Variants in TRIP12 observed in about 807,000 individuals in gnomAD.
The protein encoded by TRIP12 is thyroid hormone receptor interactor 12, also known as E3 ubiquitin-protein ligase TRIP12.
TRIP12 carries 25 observed loss-of-function variants against 244.2 expected under a neutral mutation model. The ratio of observed to expected loss-of-function variants is 0.10; its 90% CI spans 0.07 to 0.14. The LOEUF (loss-of-function observed/expected upper bound fraction) is 0.14. Among genes scored for constraint, TRIP12 ranks in the 10% least tolerant of loss-of-function variants. The pLI is 1.00. For missense variants in TRIP12, 1,677 were observed against 2,486.4 expected (o/e 0.67, Z 6.92); for synonymous variants, 905 against 873.1 (o/e 1.04, Z -0.64).
intron 6 of TRIP12, among the ~76,000 whole-genome samples, chr2:229,831,612 C>A (rs1407369152): frequency 6.6e-6 from 1 of 152,146 alleles, no homozygotes; most frequent in Non-Finnish European, 1.5e-5. Context: ...GCCTGAGCGG[C>A]AGGGCCAGAC....
rs923295328 is a variant in TRIP12, at chr2:229,809,803, A to G, written c.2221+1077T>C. On this transcript the variant is annotated intron_variant, in intron 15 of 41. Transcript: ENST00000675903. ...GTAGCCACCTCAACATTATTTTTCT[A>G]CAAAGTTCTGTGCCAATGTGTTAAT... 2.0e-5 allele frequency among the ~76,000 whole-genome samples: 3 copies of G among 152,228 alleles called. No individual in the cohort carries two copies. In the South Asian group the frequency reaches 6.2e-4, roughly 32 times the overall value.
At chr2:229,791,365 C>T in intron 29 of TRIP12, 114 bp from the exon 30 acceptor site, 2 of 1,187,618 alleles carry the variant, frequency 1.7e-6, no homozygotes, top group Non-Finnish European at 2.4e-6. Context: ...ATCTATTCTC[C>T]TCTCTCTCCC....
chr2:229,904,648 G>A (rs2072159218), intron 1 of TRIP12, among the ~76,000 whole-genome samples: 1 of 151,938 alleles, frequency 6.6e-6, no homozygotes, highest in Admixed American at 6.6e-5. Context: ...GGCAAAATTG[G>A]GGGTGATTCT....
intron 4 of TRIP12, among the ~76,000 whole-genome samples, chr2:229,853,560 G>C (rs1011198921): frequency 1.3e-5 from 2 of 152,154 alleles, no homozygotes; most frequent in Non-Finnish European, 2.9e-5. Context: ...GGGAGGCTGA[G>C]ACACGAGAAT....
chr2:229,851,315 C>G (rs778796463), intron 4 of TRIP12, among the ~76,000 whole-genome samples: 2 of 152,070 alleles, frequency 1.3e-5, no homozygotes, highest in Non-Finnish European at 2.9e-5. Flanking sequence ...ATGCACCAAT[C>G]GACACTCTCT....
At chr2:229,916,756 T>C (rs1365253368) in intron 1 of TRIP12, among the ~76,000 whole-genome samples, 1 of 151,992 alleles carries the variant, frequency 6.6e-6, no homozygotes, top group Non-Finnish European at 1.5e-5. Context: ...TATTTCAGTC[T>C]AGGAAACCTC....
rs1166506054 is a variant in TRIP12 at position 229,778,501 on chromosome 2, C to T, written c.5296G>A (p.Ala1766Thr). ...FGRTAKPAHIAKVKMKFRFLG... is the reference protein window; with the variant it reads ...FGRTAKPAHITKVKMKFRFLG... ...AAGCGAAACTTCATCTTAACCTTTG[C>T]GATATGAGCTGGCTTTGCTGTCCTA... Residue 1766 changes from alanine (A) to threonine (T), a missense_variant, in exon 36 of 42, where the codon GCA becomes ACA. By Grantham distance (58) the Ala-to-Thr change is moderately conservative. Coordinates refer to ENST00000675903, the MANE Select transcript of TRIP12 (RefSeq NM_001348323.3). The surrounding 1 kb of genome is among the most constrained non-coding windows in gnomAD (Gnocchi z 4.1). The T allele has an allele frequency of 5.0e-6, 8 of 1,613,872 alleles. No homozygotes were observed. The highest frequency in any genetic ancestry group is 4.5e-5 in the East Asian group (2 of 44,884).
At chr2:229,922,257 T>TCCCTCCGCCGGGGTCACC (rs1363493535), upstream of TRIP12, 4 of 499,808 alleles carry the variant, frequency 8.0e-6, no homozygotes, top group African/African-American at 3.9e-5. Flanking sequence ...CTACTTGGTA[T>TCCCTCCGCCGGGGTCACC]CCCTCCGCCG....
At chr2:229,901,330 G>A (rs1431825046) in intron 1 of TRIP12, among the ~76,000 whole-genome samples, 1 of 151,832 alleles carries the variant, frequency 6.6e-6, no homozygotes, top group East Asian at 1.9e-4. Flanking sequence ...AGGCGCAGTG[G>A]CTCACTTTGG....
Position 229,835,075 on chromosome 2 carries a change from A to G in TRIP12, c.1270+1773T>C, listed in dbSNP as rs184247628. 7.3e-3 allele frequency among the ~76,000 whole-genome samples: 1,109 copies of G among 152,350 alleles called. 51 individuals are homozygous for G. Among genetic ancestry groups the G allele is most frequent in the Admixed American group, 0.065 (993 of 15,294 alleles). On this transcript the variant is annotated intron_variant, in intron 6 of 41. Transcript: ENST00000675903. ...CATGCAGAAACTAAAGCACATTATCATGAAGAACTTAACGTAAAGCTGCTA... is the reference window on the plus strand; with the variant it reads ...CATGCAGAAACTAAAGCACATTATCGTGAAGAACTTAACGTAAAGCTGCTA...
In TRIP12 at chr2:229,829,412, G is replaced by C. The variant is rs148957787; in HGVS notation, c.1355-124C>G. The C allele has an allele frequency of 6.1e-4, 433 of 704,448 alleles. 2 individuals carry two copies. In the African/African-American group the frequency reaches 6.8e-3, roughly 11 times the overall value. 43.6% of individuals were successfully genotyped at this position (704,448 alleles called of 1,614,324 possible). A position where few individuals can be genotyped will look rare whatever the true frequency, so the allele number is the denominator to read the frequency against. ...TCAGTCAATGTTACTTTGCTTTCTG[G>C]ACTTTTAAGAGAAGCTACAAACTTT... is the stretch of plus-strand genomic sequence containing the variant. On this transcript the variant is annotated intron_variant, in intron 7 of 41. Coordinates refer to ENST00000675903, the MANE Select transcript of TRIP12 (RefSeq NM_001348323.3).
At chr2:229,802,901 C>A (rs1457475464) in intron 20 of TRIP12, among the ~76,000 whole-genome samples, 5 of 151,760 alleles carry the variant, frequency 3.3e-5, no homozygotes, top group African/African-American at 9.7e-5. Flanking sequence ...AAAAAAAAAA[C>A]CAGCTATTGA....
chr2:229,772,899 A>T (rs1194460454), intron 38 of TRIP12, among the ~76,000 whole-genome samples: 2 of 152,170 alleles, frequency 1.3e-5, no homozygotes, highest in Non-Finnish European at 2.9e-5. Flanking sequence ...GTAGATAGCC[A>T]TTCTGACCTA....
At chr2:229,821,655 T>C (rs1399217253) in intron 8 of TRIP12, among the ~76,000 whole-genome samples, 4 of 152,096 alleles carry the variant, frequency 2.6e-5, no homozygotes, top group Non-Finnish European at 4.4e-5. Flanking sequence ...ACGTAAAATA[T>C]AAAACCCATT....
intron 21 of TRIP12, 152 bp downstream of exon 21, chr2:229,802,100 T>A (rs563029306): frequency 3.9e-6 from 2 of 518,400 alleles, no homozygotes; most frequent in African/African-American, 3.9e-5. Context: ...TTCCAATAAA[T>A]GTTTTCTTCC....
chr2:229,901,220 CA>C (rs1362370727), intron 1 of TRIP12, among the ~76,000 whole-genome samples: 1 of 151,632 alleles, frequency 6.6e-6, no homozygotes, highest in Non-Finnish European at 1.5e-5. Context: ...AGTCATGAGC[CA>C]CCACACCCGG....
rs1194893695 is a variant in TRIP12, at chr2:229,879,094, C to T, written c.98+888G>A. 2.0e-5 allele frequency among the ~76,000 whole-genome samples: 3 copies of T among 151,822 alleles called. No individual in the cohort carries two copies. In the East Asian group the frequency reaches 5.9e-4, roughly 30 times the overall value. ...GTGGCAAAATCTTGTCTCTGTGTCT[C>T]AAAAAACATTAGCTGGGTGCGGTGG... On this transcript the variant is annotated intron_variant, in intron 2 of 41. Transcript: ENST00000675903.
At chr2:229,768,119 T>A (rs1233416339) in intron 41 of TRIP12, among the ~76,000 whole-genome samples, 1 of 151,986 alleles carries the variant, frequency 6.6e-6, no homozygotes, top group East Asian at 1.9e-4. Flanking sequence ...TAGCCAGACA[T>A]GGTGCTGTGT....
Position 229,915,532 on chromosome 2 carries a change from T to A in TRIP12, c.-50+6348A>T, listed in dbSNP as rs543772524. 6.0e-3 allele frequency among the ~76,000 whole-genome samples: 917 copies of A among 152,216 alleles called. 6 individuals carry two copies. The highest frequency in any genetic ancestry group is 0.021 in the African/African-American group (862 of 41,534). On this transcript the variant is annotated intron_variant, in intron 1 of 41. Coordinates refer to ENST00000675903, the MANE Select transcript of TRIP12 (RefSeq NM_001348323.3). ...TTTTATTTTCACAAGACTTATTCTG[T>A]CAACAAACGCTTAATCCCTATCATG...
Sources: gnomAD v4.1 joint callset for allele counts (sites outside exome capture counted in the v4.1 genomes callset) on GRCh38, gnomAD v4.1.1 for gene constraint, Gnocchi (gnomAD v3.1) non-coding constraint, MANE v1.5 for transcripts, NCBI Gene and HGNC (gene_info 2026-07-23, HGNC 2026-07-21) for gene names.